IGF2BP3: variants seen among roughly 807,000 people sequenced by gnomAD.
IGF2BP3 encodes the protein insulin like growth factor 2 mRNA binding protein 3, also known as insulin-like growth factor 2 mRNA-binding protein 3.
Under a neutral mutation model 73.8 loss-of-function variants are expected in IGF2BP3, and 9 were observed. The observed-to-expected ratio is 0.12, with a 90% CI of 0.07 to 0.21. The LOEUF is 0.21. IGF2BP3 is among the 10% of genes least tolerant of loss of function. The pLI, the probability that IGF2BP3 is intolerant of heterozygous loss-of-function variation, is 1.00. For missense variants in IGF2BP3, 542 were observed against 714.0 expected (o/e 0.76, Z 2.75); for synonymous variants, 258 against 256.7 (o/e 1.01, Z -0.05).
At chr7:23,337,808 T>C (rs1784610530) in intron 10 of IGF2BP3, among the ~76,000 whole-genome samples, 1 of 152,230 alleles carries the variant, frequency 6.6e-6, no homozygotes, top group African/African-American at 2.4e-5. Context: ...TAGCTGGGAC[T>C]ACAGGTGTCT....
intron 12 of IGF2BP3, among the ~76,000 whole-genome samples, chr7:23,314,955 C>T (rs973653604): frequency 1.3e-5 from 2 of 151,552 alleles, no homozygotes; most frequent in African/African-American, 2.4e-5. Context: ...CCCGCCACCA[C>T]ACCCAGCTAA....
chr7:23,452,425 T>C (rs951451756), intron 2 of IGF2BP3, among the ~76,000 whole-genome samples: 1 of 152,156 alleles, frequency 6.6e-6, no homozygotes, highest in African/African-American at 2.4e-5. Context: ...ATACTACAAG[T>C]GAAATTGCTG....
chr7:23,408,279 AC>A (rs1786909983), intron 3 of IGF2BP3, among the ~76,000 whole-genome samples: 1 of 152,202 alleles, frequency 6.6e-6, no homozygotes, highest in Non-Finnish European at 1.5e-5. Flanking sequence ...AAGGAATAAA[AC>A]TATGCCCATT....
intron 3 of IGF2BP3, among the ~76,000 whole-genome samples, chr7:23,372,220 ACG>A (rs1785572565): frequency 6.6e-6 from 1 of 152,008 alleles, no homozygotes; most frequent in African/African-American, 2.4e-5. Flanking sequence ...GACTACAGGC[ACG>A]TGCCTCCACC....
chr7:23,412,551 G>A (rs951379832), intron 3 of IGF2BP3, among the ~76,000 whole-genome samples: 1 of 152,142 alleles, frequency 6.6e-6, no homozygotes, highest in Non-Finnish European at 1.5e-5. Flanking sequence ...CACCAGCATG[G>A]AGAACCTGGT....
intron 2 of IGF2BP3, among the ~76,000 whole-genome samples, chr7:23,444,893 C>T (rs947395657): frequency 2.0e-5 from 3 of 152,038 alleles, no homozygotes; most frequent in Non-Finnish European, 4.4e-5. Flanking sequence ...CATAGAGTTC[C>T]CATCTCTACT....
At chr7:23,465,582 C>T (rs931880382) in intron 2 of IGF2BP3, among the ~76,000 whole-genome samples, 5 of 152,336 alleles carry the variant, frequency 3.3e-5, no homozygotes, top group East Asian at 1.9e-4. Context: ...CTCCAATCAC[C>T]TCCTGGGCCT....
intron 3 of IGF2BP3, chr7:23,415,703 A>C (rs1261603716): frequency 6.1e-6 from 1 of 164,270 alleles, no homozygotes; most frequent in Non-Finnish European, 1.3e-5. Context: ...ATGGCTCAGA[A>C]ATCTAAGTCT....
intron 2 of IGF2BP3, among the ~76,000 whole-genome samples, chr7:23,433,844 G>T (rs1787746107): frequency 6.6e-6 from 1 of 152,138 alleles, no homozygotes; most frequent in Admixed American, 6.6e-5. Flanking sequence ...GGAGGCCGAG[G>T]CGGGAGGATC....
chr7:23,368,384 A>AAAG (rs1344581475), intron 3 of IGF2BP3, among the ~76,000 whole-genome samples: 5 of 149,864 alleles, frequency 3.3e-5, no homozygotes, highest in South Asian at 2.1e-4. Flanking sequence ...AGAAAGAAAG[A>AAAG]AAAGAAGGCA....
chr7:23,412,008 A>C (rs112014451), intron 3 of IGF2BP3, among the ~76,000 whole-genome samples: 1,109 of 86,516 alleles, frequency 0.013, 25 homozygotes, highest in East Asian at 0.1. Flanking sequence ...TTTTTTTTTC[A>C]GTAGAGTCTC....
intron 5 of IGF2BP3, among the ~76,000 whole-genome samples, chr7:23,352,917 TTTTG>T (rs929390650): frequency 3.9e-4 from 60 of 152,336 alleles, no homozygotes; most frequent in Middle Eastern, 3.4e-3. Flanking sequence ...TTCTGGGGTT[TTTTG>T]TTTGTTTGTT....
At chr7:23,465,344 TCTCTTTA>T (rs1788541555) in intron 2 of IGF2BP3, among the ~76,000 whole-genome samples, 1 of 152,182 alleles carries the variant, frequency 6.6e-6, no homozygotes, top group African/African-American at 2.4e-5. Flanking sequence ...AATGCAATCT[TCTCTTTA>T]GTCCAGCTGC....
chr7:23,416,773 G>A (rs367606709), intron 3 of IGF2BP3, among the ~76,000 whole-genome samples: 6 of 152,186 alleles, frequency 3.9e-5, no homozygotes, highest in African/African-American at 1.2e-4. Context: ...ATATATACAG[G>A]CTGGGTGCAG....
chr7:23,350,611 A>G (rs1784935953), intron 6 of IGF2BP3, among the ~76,000 whole-genome samples: 1 of 152,266 alleles, frequency 6.6e-6, no homozygotes, highest in Non-Finnish European at 1.5e-5. Flanking sequence ...GGCTTCAAAC[A>G]TAATTCACAT....
At chr7:23,444,497 T>C (rs903387719) in intron 2 of IGF2BP3, among the ~76,000 whole-genome samples, 3 of 151,988 alleles carry the variant, frequency 2.0e-5, no homozygotes, top group Non-Finnish European at 4.4e-5. Flanking sequence ...TCCCAGCACT[T>C]TGGGAGGCCA....
intron 3 of IGF2BP3, among the ~76,000 whole-genome samples, chr7:23,369,033 T>A (rs1485691436): frequency 6.6e-6 from 1 of 152,216 alleles, no homozygotes; most frequent in Non-Finnish European, 1.5e-5. Context: ...TGGCCTAGTT[T>A]TGCCTTTTAA....
intron 6 of IGF2BP3, among the ~76,000 whole-genome samples, chr7:23,349,158 T>A (rs1359683319): frequency 2.6e-5 from 4 of 152,200 alleles, no homozygotes; most frequent in Admixed American, 2.6e-4. Context: ...GAAAGAAAAT[T>A]AGCTACTCAA....
intron 3 of IGF2BP3, chr7:23,402,186 A>C (rs531721170): frequency 6.6e-6 from 1 of 152,284 alleles, no homozygotes; most frequent in Non-Finnish European, 1.5e-5. Flanking sequence ...GCTCAGAGAT[A>C]TTTTTAGACT....
Sources: gnomAD v4.1 joint callset for allele counts (sites outside exome capture counted in the v4.1 genomes callset) on GRCh38, gnomAD v4.1.1 for gene constraint, MANE v1.5 for transcripts, NCBI Gene and HGNC (gene_info 2026-07-23, HGNC 2026-07-21) for gene names.